The following TRMT10B variants were observed in gnomAD, a reference collection of about 807,000 sequenced individuals.
TRMT10B encodes tRNA methyltransferase 10 homolog B.
In TRMT10B, 33 loss-of-function variants were observed where a neutral mutation model predicts 43.8. The ratio of observed to expected loss-of-function variants is 0.75; its 90% CI spans 0.57 to 1.01. The LOEUF (loss-of-function observed/expected upper bound fraction) is 1.01. Ranked by LOEUF, TRMT10B falls within the 50% of genes least tolerant of loss-of-function variation. The pLI is 0.00. For synonymous variants in TRMT10B, 137 were observed against 130.6 expected, an observed-to-expected ratio of 1.05 and a Z score of -0.34; for missense variants, 362 against 369.8, an observed-to-expected ratio of 0.98 and a Z score of 0.17.
Position 37,762,072 on chromosome 9 carries a change from C to A in TRMT10B, c.141C>A (p.Cys47Ter). ...TGCAGATCGATGCGGAAGGCGAGTG[C>A]CAGGAGGGAGAGATCCTGGCCACAG... ...QLLQIDAEGE[C>*]QEGEILATGS... The change falls in exon 2 of 9, where the codon TGC (cysteine) becomes TGA (stop). Residue 47 changes from cysteine to a stop codon, truncating the protein, a stop_gained. Transcript: ENST00000297994. LOFTEE classifies it high-confidence loss of function. 1 of 1,614,040 alleles carries A rather than the reference C, an allele frequency of 6.2e-7. No individual in the cohort carries two copies. The highest frequency in any genetic ancestry group is 1.1e-5 in the South Asian group (1 of 91,058).
chr9:37,757,090 T>C (rs1825812576), intron 1 of TRMT10B, among the ~76,000 whole-genome samples: 1 of 152,150 alleles, frequency 6.6e-6, no homozygotes, highest in African/African-American at 2.4e-5. Flanking sequence ...CTTGGATTTT[T>C]TGTTTTGTTT....
chr9:37,774,426 G>A (rs1245201621), intron 7 of TRMT10B, among the ~76,000 whole-genome samples: 2 of 152,216 alleles, frequency 1.3e-5, no homozygotes, highest in East Asian at 3.8e-4. Context: ...TGGAAGATTT[G>A]TGAGATGTTT....
At chr9:37,766,009 T>G (rs1404500172) in intron 4 of TRMT10B, among the ~76,000 whole-genome samples, 1 of 152,038 alleles carries the variant, frequency 6.6e-6, no homozygotes, top group Non-Finnish European at 1.5e-5. Context: ...TTGCAAAAAT[T>G]TCCTCCCATT....
chr9:37,764,127 AC>A (rs1285405402), intron 4 of TRMT10B, among the ~76,000 whole-genome samples: 1 of 151,928 alleles, frequency 6.6e-6, no homozygotes, highest in East Asian at 1.9e-4. Flanking sequence ...TGGTGGAAGA[AC>A]TTTTTGCAAT....
rs760971486 is a variant in TRMT10B at position 37,777,594 on chromosome 9, C to G, written c.845-7C>G. The G allele has an allele frequency of 1.2e-6, 2 of 1,605,700 alleles. No homozygotes were observed. The highest frequency in any genetic ancestry group is 1.7e-6 in the Non-Finnish European group (2 of 1,172,512). The stretch of plus-strand genomic sequence containing the variant: ...GGTCACTGTGTTTTCTGTTTACTCT[C>G]TAACAGTGTTTGATATCCTGTCCAC... On this transcript the variant is annotated splice_polypyrimidine_tract_variant and splice_region_variant and intron_variant, in intron 8 of 8. Coordinates refer to ENST00000297994, the MANE Select transcript of TRMT10B (RefSeq NM_144964.4).
chr9:37,752,985 C>T (rs960083464), upstream of TRMT10B, among the ~76,000 whole-genome samples: 7 of 152,128 alleles, frequency 4.6e-5, no homozygotes, highest in South Asian at 2.1e-4. Flanking sequence ...CTTTGGGTCC[C>T]TACTGTCTTT....
rs1047842208 is a variant in TRMT10B at position 37,768,133 on chromosome 9, G to A, written c.478G>A (p.Asp160Asn). 3 of 1,614,150 alleles carry A rather than the reference G, an allele frequency of 1.9e-6. No individual in the cohort carries two copies. The highest frequency in any genetic ancestry group is 2.5e-6 in the Non-Finnish European group (3 of 1,180,008). ...GTTGTATGGTTCAAACAAAAAAGCT[G>A]ACAGGCCATTTTGGATCTGCCTCAC... is the stretch of plus-strand genomic sequence containing the variant. ...RRLYGSNKKADRPFWICLTGF... is the reference protein window; with the variant it reads ...RRLYGSNKKANRPFWICLTGF... Residue 160 changes from aspartate (D) to asparagine (N), a missense_variant, in exon 5 of 9, where the codon GAC (aspartate) becomes AAC (asparagine). Physicochemically the swap from Asp to Asn is conservative, Grantham distance 23. Coordinates refer to ENST00000297994, the MANE Select transcript of TRMT10B (RefSeq NM_144964.4).
rs1471510889 is a variant in TRMT10B at position 37,777,733 on chromosome 9, C to T, written c.*26C>T. ...TGGGCCTAAGATTGCAGCTGCGTGG[C>T]CAGGTGCTCACGCCGTAATGCCAAC... On this transcript the variant is annotated 3_prime_UTR_variant, in exon 9 of 9. Transcript: ENST00000297994. 1 of 1,581,172 alleles carries T rather than the reference C, an allele frequency of 6.3e-7. No homozygotes were observed. Among genetic ancestry groups the T allele is most frequent in the Non-Finnish European group, 8.7e-7 (1 of 1,150,400 alleles).
Position 37,767,942 on chromosome 9 carries a change from C to A in TRMT10B, c.421-134C>A. On this transcript the variant is annotated intron_variant, in intron 4 of 8. Coordinates refer to ENST00000297994, the MANE Select transcript of TRMT10B (RefSeq NM_144964.4). Reference sequence around the variant, plus strand: ...AGGTGTGATGCCATAAGGTATAATACACGCACACATGTACTCCTAGTACAT... The same window carrying A: ...AGGTGTGATGCCATAAGGTATAATAAACGCACACATGTACTCCTAGTACAT... 1.5e-5 allele frequency: 12 copies of A among 826,146 alleles called. No homozygotes were observed. The South Asian group carries it at 2.0e-4, about 13-fold the overall frequency. 51.2% of individuals were successfully genotyped at this position (826,146 alleles called of 1,614,324 possible). A position where few individuals can be genotyped will look rare whatever the true frequency, so the allele number is the denominator to read the frequency against.
At chr9:37,776,464 T>A in intron 8 of TRMT10B, 59 bp downstream of exon 8, 1 of 1,521,648 alleles carries the variant, frequency 6.6e-7, no homozygotes, top group Non-Finnish European at 8.8e-7. Flanking sequence ...TGCTTTGCAC[T>A]GTGTTTAAGT....
intron 4 of TRMT10B, among the ~76,000 whole-genome samples, chr9:37,765,412 T>C (rs1362667906): frequency 2.0e-5 from 3 of 152,250 alleles, no homozygotes; most frequent in African/African-American, 7.2e-5. Flanking sequence ...TCCATGTCCC[T>C]ACAAAGGACA....
chr9:37,759,237 C>T (rs1826039649), intron 1 of TRMT10B, among the ~76,000 whole-genome samples: 1 of 152,112 alleles, frequency 6.6e-6, no homozygotes, highest in East Asian at 1.9e-4. Context: ...GAAAAGATCT[C>T]AAATGCCCAT....
chr9:37,752,942 G>T (rs1415909384), upstream of TRMT10B, among the ~76,000 whole-genome samples: 1 of 152,128 alleles, frequency 6.6e-6, no homozygotes. Context: ...TGGGTGCTTT[G>T]TTCTTTGTAA....
chr9:37,777,563 C>T (rs1815393597), intron 8 of TRMT10B, 38 bp from the exon 9 acceptor site: 2 of 1,509,530 alleles, frequency 1.3e-6, no homozygotes, highest in African/African-American at 1.4e-5. Flanking sequence ...CTTTTTTTCC[C>T]TCTGTGGTCA....
intron 3 of TRMT10B, 21 bp downstream of exon 3, chr9:37,762,706 T>A: frequency 6.4e-7 from 1 of 1,550,664 alleles, no homozygotes; most frequent in East Asian, 2.3e-5. Context: ...ATGAGACTGT[T>A]GGTATAATAA....
intron 7 of TRMT10B, among the ~76,000 whole-genome samples, chr9:37,775,173 CCT>C (rs1190341112): frequency 6.6e-6 from 1 of 152,194 alleles, no homozygotes; most frequent in Non-Finnish European, 1.5e-5. Flanking sequence ...GCATGAACTC[CCT>C]GTCACAAGAG....
intron 7 of TRMT10B, among the ~76,000 whole-genome samples, chr9:37,771,793 C>T (rs966419017): frequency 1.1e-4 from 16 of 152,156 alleles, no homozygotes; most frequent in Admixed American, 6.5e-5. Context: ...TGGTCACCAT[C>T]TTATCCAAAC....
Position 37,776,261 on chromosome 9 carries a change from T to C in TRMT10B, c.721-21T>C, listed in dbSNP as rs546226374. The C allele has an allele frequency of 5.4e-5, 79 of 1,449,770 alleles. No homozygotes were observed. The African/African-American group carries it at 8.3e-4, about 15-fold the overall frequency. The allele number at this position is 1,449,770 out of a possible 1,614,324, so 89.8% of individuals were successfully genotyped here. ...TCATGTATAATTTTTATAAGAAAAA[T>C]ATTTAACTATATATTTACAGAAGGT... is the stretch of plus-strand genomic sequence containing the variant. On this transcript the variant is annotated intron_variant, in intron 7 of 8. Transcript: ENST00000297994.
intron 1 of TRMT10B, among the ~76,000 whole-genome samples, chr9:37,754,337 AGCATTGAGGGTAAAGAGAACG>A (rs1825364475): frequency 6.6e-6 from 1 of 152,182 alleles, no homozygotes; most frequent in South Asian, 2.1e-4. Context: ...CTTAGGGAAG[AGCATTGAGGGTAAAGAGAACG>A]GCGAATGTAA....
Sources: gnomAD v4.1 joint callset for allele counts (sites outside exome capture counted in the v4.1 genomes callset) on GRCh38, gnomAD v4.1.1 for gene constraint, MANE v1.5 for transcripts, NCBI Gene and HGNC (gene_info 2026-07-23, HGNC 2026-07-21) for gene names.